The following KIF6 variants were observed in gnomAD, a reference collection of about 807,000 sequenced individuals.
The protein encoded by KIF6 is kinesin-like protein KIF6.
KIF6 carries 106 observed loss-of-function variants against 112.7 expected under a neutral mutation model. The ratio of observed to expected loss-of-function variants is 0.94; its 90% CI spans 0.80 to 1.11. KIF6 has a LOEUF of 1.11. Among genes scored for constraint, KIF6 ranks in the 50% least tolerant of loss-of-function variants. The pLI is 0.00. For synonymous variants in KIF6, 339 were observed against 339.9 expected (o/e 1.00, Z 0.03); for missense variants, 929 against 964.0 (o/e 0.96, Z 0.48).
chr6:39,547,871 T>TCACTGAGGTGACCA (rs1341138346), intron 10 of KIF6, among the ~76,000 whole-genome samples: 1 of 152,216 alleles, frequency 6.6e-6, no homozygotes, highest in Non-Finnish European at 1.5e-5. Flanking sequence ...TGAGGTGACA[T>TCACTGAGGTGACCA]ACTCATACAG....
At chr6:39,626,799 A>G (rs1287259807) in intron 5 of KIF6, among the ~76,000 whole-genome samples, 2 of 152,116 alleles carry the variant, frequency 1.3e-5, no homozygotes, top group South Asian at 2.1e-4. Flanking sequence ...CTGGGGGTGG[A>G]AGCCAGGAAT....
intron 16 of KIF6, among the ~76,000 whole-genome samples, chr6:39,384,869 T>C (rs1767278756): frequency 6.6e-6 from 1 of 152,194 alleles, no homozygotes; most frequent in Admixed American, 6.5e-5. Flanking sequence ...ACTCCACCAG[T>C]CCTCTGCAAG....
At chr6:39,648,197 T>C (rs1328359234) in intron 3 of KIF6, among the ~76,000 whole-genome samples, 1 of 113,748 alleles carries the variant, frequency 8.8e-6, no homozygotes, top group African/African-American at 3.6e-5. Context: ...CTAATTTTTG[T>C]ATTTTTAGTA....
chr6:39,370,079 G>A (rs1765856248), intron 16 of KIF6, among the ~76,000 whole-genome samples: 1 of 152,178 alleles, frequency 6.6e-6, no homozygotes, highest in African/African-American at 2.4e-5. Flanking sequence ...TCTGAACTCA[G>A]GTTTCTCTCA....
chr6:39,681,290 T>C (rs1385763559), intron 3 of KIF6, among the ~76,000 whole-genome samples: 2 of 152,090 alleles, frequency 1.3e-5, no homozygotes, highest in Non-Finnish European at 2.9e-5. Context: ...CAAAAAGACC[T>C]TCACTTCTCT....
At chr6:39,401,909 C>T (rs1254674854) in intron 15 of KIF6, among the ~76,000 whole-genome samples, 1 of 152,128 alleles carries the variant, frequency 6.6e-6, no homozygotes, top group Non-Finnish European at 1.5e-5. Context: ...GAGAAAGAGG[C>T]AGAGGAAATG....
chr6:39,452,220 AG>A (rs1772748513), intron 13 of KIF6, among the ~76,000 whole-genome samples: 1 of 109,710 alleles, frequency 9.1e-6, no homozygotes, highest in Non-Finnish European at 1.9e-5. Context: ...TGACAGGAAG[AG>A]GAGAAGGAAG....
At chr6:39,413,763 T>C (rs1369718646) in intron 15 of KIF6, among the ~76,000 whole-genome samples, 1 of 152,134 alleles carries the variant, frequency 6.6e-6, no homozygotes, top group Admixed American at 6.5e-5. Context: ...CTAGTTGTAC[T>C]CCTTAGATTC....
intron 3 of KIF6, among the ~76,000 whole-genome samples, chr6:39,646,367 T>C (rs1221121169): frequency 1.3e-5 from 2 of 152,042 alleles, no homozygotes; most frequent in African/African-American, 4.8e-5. Context: ...ATAATTGATG[T>C]CAGCAGAGGT....
At chr6:39,542,222 A>G (rs1778827374) in intron 12 of KIF6, among the ~76,000 whole-genome samples, 1 of 152,182 alleles carries the variant, frequency 6.6e-6, no homozygotes, top group Admixed American at 6.5e-5. Flanking sequence ...AGATCGCAAT[A>G]CGAATCTATC....
At chr6:39,541,713 A>G (rs1341946196) in intron 12 of KIF6, among the ~76,000 whole-genome samples, 8 of 152,194 alleles carry the variant, frequency 5.3e-5, no homozygotes, top group African/African-American at 1.4e-4. Flanking sequence ...CCTAATCTGA[A>G]GAAGGTCAAG....
In KIF6 at chr6:39,596,059, C is replaced by A. The variant is rs369417540; in HGVS notation, c.841G>T (p.Glu281Ter). The change falls in exon 7 of 23, where the codon GAA becomes TAA. Residue 281 changes from glutamate (E) to a stop codon, truncating the protein, a stop_gained. Transcript: ENST00000287152. LOFTEE classifies it high-confidence loss of function. ...KYINLSLHYLEQVIIALSEKH... is the reference protein window; with the variant it reads ...KYINLSLHYL Reference sequence around the variant, plus strand: ...TCCCACTCTGCCCATTTTACCTGTTCTAAGTAATGTAGTGACAAGTTGATA... The same window carrying A: ...TCCCACTCTGCCCATTTTACCTGTTATAAGTAATGTAGTGACAAGTTGATA... The A allele has an allele frequency of 1.4e-5, 23 of 1,613,240 alleles. No individual in the cohort carries two copies. The highest frequency in any genetic ancestry group is 2.7e-5 in the African/African-American group (2 of 74,912).
chr6:39,399,318 G>A (rs1447784313), intron 15 of KIF6, among the ~76,000 whole-genome samples: 4 of 152,146 alleles, frequency 2.6e-5, no homozygotes, highest in Non-Finnish European at 5.9e-5. Context: ...GTCTGATCTT[G>A]TCCCCACCTC....
intron 10 of KIF6, among the ~76,000 whole-genome samples, chr6:39,563,274 C>CTCCA (rs1459300330): frequency 2.6e-5 from 4 of 152,092 alleles, no homozygotes; most frequent in Admixed American, 2.6e-4. Flanking sequence ...CAAAAGATTA[C>CTCCA]TCCATCCTGG....
At chr6:39,501,004 C>A (rs73732117) in intron 13 of KIF6, among the ~76,000 whole-genome samples, 37 of 152,174 alleles carry the variant, frequency 2.4e-4, no homozygotes, top group African/African-American at 8.4e-4. Flanking sequence ...ATGGAAGGGG[C>A]GAGTGGATAC....
intron 15 of KIF6, among the ~76,000 whole-genome samples, chr6:39,404,826 T>C (rs1157771395): frequency 6.6e-6 from 1 of 152,064 alleles, no homozygotes; most frequent in African/African-American, 2.4e-5. Context: ...CATTTATTTA[T>C]GTCTTTTTTG....
At chr6:39,496,367 G>A (rs1026413517) in intron 13 of KIF6, among the ~76,000 whole-genome samples, 2 of 152,112 alleles carry the variant, frequency 1.3e-5, no homozygotes, top group Non-Finnish European at 1.5e-5. Flanking sequence ...AATTGCTAAC[G>A]TTTTTTGACT....
chr6:39,374,104 G>A (rs903168290), intron 16 of KIF6, among the ~76,000 whole-genome samples: 22 of 152,120 alleles, frequency 1.4e-4, no homozygotes, highest in Admixed American at 1.1e-3. Context: ...TTTGACCAAG[G>A]TGCCAAGATC....
At chr6:39,552,791 G>A (rs935188701) in intron 10 of KIF6, among the ~76,000 whole-genome samples, 1 of 152,094 alleles carries the variant, frequency 6.6e-6, no homozygotes, top group Non-Finnish European at 1.5e-5. Context: ...AATGGTAGGG[G>A]GCAAAGGATG....
Sources: gnomAD v4.1 joint callset for allele counts (sites outside exome capture counted in the v4.1 genomes callset) on GRCh38, gnomAD v4.1.1 for gene constraint, MANE v1.5 for transcripts, NCBI Gene and HGNC (gene_info 2026-07-23, HGNC 2026-07-21) for gene names.